Variants in SH3GL3 observed in about 807,000 individuals in gnomAD.
SH3GL3 encodes endophilin-A3.
In SH3GL3, 33 loss-of-function variants were observed where a neutral mutation model predicts 47.7. The ratio of observed to expected loss-of-function variants is 0.69; its 90% confidence interval spans 0.52 to 0.92. The LOEUF (loss-of-function observed/expected upper bound fraction) is 0.92. Among genes scored for constraint, SH3GL3 ranks in the 40% least tolerant of loss-of-function variants. The probability of loss-of-function intolerance (pLI) is 0.00; values close to 1 mark genes in which losing one functional copy is unlikely to be tolerated. For missense variants in SH3GL3, 363 were observed against 417.8 expected (o/e 0.87, Z 1.14); for synonymous variants, 155 against 148.8 (o/e 1.04, Z -0.30).
At chr15:83,515,971 G>A (rs2042963385) in intron 1 of SH3GL3, among the ~76,000 whole-genome samples, 1 of 152,210 alleles carries the variant, frequency 6.6e-6, no homozygotes, top group Non-Finnish European at 1.5e-5. Flanking sequence ...ATCTAGAACA[G>A]TTTTCAGACT....
intron 5 of SH3GL3, among the ~76,000 whole-genome samples, chr15:83,575,658 G>A (rs2059657031): frequency 6.6e-6 from 1 of 152,232 alleles, no homozygotes. Flanking sequence ...AGCAAAGAGA[G>A]AGATGTTTCT....
intron 1 of SH3GL3, among the ~76,000 whole-genome samples, chr15:83,475,560 G>A (rs2041058988): frequency 6.6e-6 from 1 of 152,144 alleles, no homozygotes. Context: ...CTGGATCTCT[G>A]CTATTCACAT....
At chr15:83,625,989 C>CGTGG in the SH3GL3 span, among the ~76,000 whole-genome samples, 28 of 152,120 alleles carry the variant, frequency 1.8e-4, no homozygotes, top group Non-Finnish European at 3.8e-4. Context: ...CCCACCACCA[C>CGTGG]ACCCAGCTAA....
At chr15:83,450,785 A>T (rs980139897) in intron 1 of SH3GL3, among the ~76,000 whole-genome samples, 307 of 12,122 alleles carry the variant, frequency 0.025, no homozygotes, top group African/African-American at 0.031. Context: ...AAGGTTATAG[A>T]TTTTCTTTTT....
chr15:83,580,681 G>A (rs2059806709), intron 6 of SH3GL3, among the ~76,000 whole-genome samples: 1 of 152,220 alleles, frequency 6.6e-6, no homozygotes, highest in African/African-American at 2.4e-5. Flanking sequence ...CTAAAGTCCT[G>A]TTGGCACTTT....
intron 1 of SH3GL3, among the ~76,000 whole-genome samples, chr15:83,497,473 G>T (rs1047843583): frequency 6.6e-6 from 1 of 152,118 alleles, no homozygotes; most frequent in African/African-American, 2.4e-5. Flanking sequence ...TAGAGGCAAG[G>T]TGCCCCCTGA....
intron 8 of SH3GL3, among the ~76,000 whole-genome samples, chr15:83,591,613 C>T (rs1200815323): frequency 6.6e-6 from 1 of 151,964 alleles, no homozygotes; most frequent in Non-Finnish European, 1.5e-5. Flanking sequence ...TGGGCAGGCC[C>T]CATGAATTTT....
At chr15:83,515,371 A>T (rs2042937972) in intron 1 of SH3GL3, among the ~76,000 whole-genome samples, 1 of 152,232 alleles carries the variant, frequency 6.6e-6, no homozygotes, top group African/African-American at 2.4e-5. Flanking sequence ...CATGTATGAC[A>T]AATGGAATCG....
At chr15:83,633,538 C>T in the SH3GL3 span, among the ~76,000 whole-genome samples, 2 of 152,074 alleles carry the variant, frequency 1.3e-5, no homozygotes, top group Admixed American at 6.6e-5. Context: ...ATGGTATGCC[C>T]GCTATGAAAC....
intron 2 of SH3GL3, among the ~76,000 whole-genome samples, chr15:83,562,463 A>G (rs941383236): frequency 6.6e-6 from 1 of 152,212 alleles, no homozygotes; most frequent in African/African-American, 2.4e-5. Context: ...TATATATCAA[A>G]GGGAGCACTC....
At chr15:83,461,590 A>G (rs1399842718) in intron 1 of SH3GL3, among the ~76,000 whole-genome samples, 9 of 152,054 alleles carry the variant, frequency 5.9e-5, no homozygotes, top group Admixed American at 5.9e-4. Context: ...ATTAAAAAAA[A>G]CTATTCGTGA....
At chr15:83,594,970 C>T (rs2060202303) in intron 8 of SH3GL3, among the ~76,000 whole-genome samples, 3 of 152,174 alleles carry the variant, frequency 2.0e-5, no homozygotes, top group Non-Finnish European at 4.4e-5. Flanking sequence ...TAAAGCAGAA[C>T]TATCATTTGA....
chr15:83,450,556 G>A (rs1047883719), intron 1 of SH3GL3, among the ~76,000 whole-genome samples: 7 of 151,934 alleles, frequency 4.6e-5, no homozygotes, highest in African/African-American at 1.7e-4. Context: ...ATGAAGACTC[G>A]TAAACCCTGG....
intron 1 of SH3GL3, among the ~76,000 whole-genome samples, chr15:83,509,295 G>A (rs966869604): frequency 1.3e-5 from 2 of 152,230 alleles, no homozygotes; most frequent in Admixed American, 6.5e-5. Flanking sequence ...TGGGGAGCGC[G>A]TTCTTGGATG....
intron 1 of SH3GL3, chr15:83,490,918 A>C: frequency 3.1e-6 from 5 of 1,614,062 alleles, no homozygotes; most frequent in Non-Finnish European, 3.4e-6. Context: ...AAATGGGAAA[A>C]TGTTAAGGGG....
At chr15:83,491,178 T>G (rs903206161) in intron 1 of SH3GL3, among the ~76,000 whole-genome samples, 1 of 152,242 alleles carries the variant, frequency 6.6e-6, no homozygotes, top group Non-Finnish European at 1.5e-5. Context: ...TAAGCTCACC[T>G]GGTCAGTAAG....
chr15:83,478,073 C>A (rs752002580), intron 1 of SH3GL3, among the ~76,000 whole-genome samples: 6 of 151,864 alleles, frequency 4.0e-5, no homozygotes, highest in Non-Finnish European at 8.8e-5. Context: ...GGCATGGGTC[C>A]CAGGGAATGA....
intron 1 of SH3GL3, among the ~76,000 whole-genome samples, chr15:83,460,912 G>A (rs1229787725): frequency 1.3e-5 from 2 of 152,004 alleles, no homozygotes; most frequent in Non-Finnish European, 2.9e-5. Flanking sequence ...GTGAAACCCC[G>A]TCTCTACTAA....
chr15:83,507,921 A>C (rs975998066), intron 1 of SH3GL3, among the ~76,000 whole-genome samples: 3 of 151,962 alleles, frequency 2.0e-5, no homozygotes, highest in African/African-American at 7.2e-5. Flanking sequence ...TCCAGGCAGA[A>C]TTTTATTTTA....
Sources: allele counts gnomAD v4.1 joint callset (sites outside exome capture counted in the v4.1 genomes callset), GRCh38; gene constraint gnomAD v4.1.1; transcripts MANE v1.5; gene names NCBI Gene and HGNC (gene_info 2026-07-23, HGNC 2026-07-21).